Variants in MERTK observed in about 807,000 individuals in gnomAD.
MERTK encodes the protein tyrosine-protein kinase Mer.
In MERTK, 69 loss-of-function variants were observed where a neutral mutation model predicts 99.3. That is an observed-to-expected ratio of 0.70 (90% CI 0.57 to 0.85). The LOEUF (loss-of-function observed/expected upper bound fraction) is 0.85, where lower values mean the gene tolerates loss of function less well. Among genes scored for constraint, MERTK ranks in the 40% least tolerant of loss-of-function variants. MERTK has a pLI of 0.00. For synonymous variants in MERTK, 426 were observed against 467.6 expected (o/e 0.91, Z 1.15); for missense variants, 1,125 against 1,249.4 (o/e 0.90, Z 1.50).
intron 1 of MERTK, among the ~76,000 whole-genome samples, chr2:111,904,507 C>T (rs1573558686): frequency 6.6e-6 from 1 of 151,938 alleles, no homozygotes; most frequent in Admixed American, 6.6e-5. Flanking sequence ...TCCCAAGTAG[C>T]TGGGATTACA....
rs761839549 is a variant in MERTK, at chr2:112,028,705, T to G, written c.2841T>G (p.Ala947=). 6.2e-7 allele frequency: 1 copy of G among 1,614,080 alleles called. No individual in the cohort carries two copies. Among genetic ancestry groups the G allele is most frequent in the East Asian group, 2.2e-5 (1 of 44,902 alleles). The change falls in exon 19 of 19, where the codon GCT becomes GCG. Residue 947 remains alanine (A), a synonymous_variant. Transcript: ENST00000295408. ...EWEDLTSAPS[A]AVTAEKNSVL... The stretch of plus-strand genomic sequence containing the variant: ...AAGATCTGACTTCTGCCCCCTCTGC[T>G]GCAGTCACAGCTGAAAAGAACAGTG...
chr2:111,954,579 C>T (rs550390620), intron 4 of MERTK, among the ~76,000 whole-genome samples: 4 of 152,258 alleles, frequency 2.6e-5, no homozygotes, highest in Admixed American at 6.5e-5. Flanking sequence ...AAATAGTCCC[C>T]GAGTTTTAGG....
At chr2:112,023,976 C>G (rs1677413121) in intron 18 of MERTK, among the ~76,000 whole-genome samples, 2 of 152,126 alleles carry the variant, frequency 1.3e-5, no homozygotes, top group Non-Finnish European at 2.9e-5. Context: ...TTTCCGGGTC[C>G]CTTCTAAGCC....
At position 112,002,025 on chromosome 2, in the gene MERTK, C is replaced by A. The variant is rs962796358; in HGVS notation, c.1690+739C>A. On this transcript the variant is annotated intron_variant, in intron 11 of 18. Transcript: ENST00000295408. ...CCACTTTCTTTCCTTTATTGGAGAA[C>A]CACTGGATAAAGCTTTTTCTCTGAG... is the stretch of plus-strand genomic sequence containing the variant. Among the ~76,000 whole-genome samples the A allele has an allele frequency of 2.6e-5, 4 of 151,738 alleles. No homozygotes were observed. The East Asian group carries it at 5.8e-4, about 22-fold the overall frequency.
In MERTK at chr2:112,014,024, T is replaced by A. The variant is rs552435086; in HGVS notation, c.2079+3958T>A. On this transcript the variant is annotated intron_variant, in intron 15 of 18. Coordinates refer to ENST00000295408, the MANE Select transcript of MERTK (RefSeq NM_006343.3). ...CATGCGCTATCATGCCTGGCTTATT[T>A]TTTTTTTTTTTTTTTGAGACAGAGT... 4.9e-3 allele frequency among the ~76,000 whole-genome samples: 719 copies of A among 147,518 alleles called. 9 individuals are homozygous for A. Among genetic ancestry groups the A allele is most frequent in the African/African-American group, 0.015 (592 of 40,640 alleles).
rs375994365 is a variant in MERTK at position 111,970,313 on chromosome 2, C to T, written c.960+2061C>T. Among the ~76,000 whole-genome samples, 57 of 152,030 alleles carry T rather than the reference C, an allele frequency of 3.7e-4. No homozygotes were observed. The South Asian group carries it at 0.01, about 27-fold the overall frequency. On this transcript the variant is annotated intron_variant, in intron 6 of 18. Transcript: ENST00000295408. ...CTGGGACTACAGGCGGGTGCCACCA[C>T]GCCCACCTAATTTTTGTATATTTAC...
At chr2:112,011,759 A>T (rs973841666) in intron 15 of MERTK, among the ~76,000 whole-genome samples, 4 of 151,924 alleles carry the variant, frequency 2.6e-5, no homozygotes, top group African/African-American at 7.2e-5. Context: ...TGAAAAAAAT[A>T]AAAAAAACAA....
intron 5 of MERTK, among the ~76,000 whole-genome samples, chr2:111,966,954 TC>T (rs1685369565): frequency 6.6e-6 from 1 of 152,116 alleles, no homozygotes; most frequent in African/African-American, 2.4e-5. Flanking sequence ...CATCCACAGT[TC>T]CCCACATTTA....
intron 1 of MERTK, among the ~76,000 whole-genome samples, chr2:111,920,773 C>A (rs2001201): frequency 0.29 from 44,459 of 151,896 alleles, 6,943 homozygotes; most frequent in African/African-American, 0.38. Context: ...CCCTGCCTCA[C>A]CCTCCCGAGT....
At chr2:111,999,279 G>T (rs1248240501) in intron 10 of MERTK, among the ~76,000 whole-genome samples, 1 of 152,052 alleles carries the variant, frequency 6.6e-6, no homozygotes, top group Non-Finnish European at 1.5e-5. Context: ...TATTAAAATA[G>T]ACTTCATTTT....
chr2:112,006,341 A>G (rs1239690288), intron 13 of MERTK, among the ~76,000 whole-genome samples: 1 of 152,184 alleles, frequency 6.6e-6, no homozygotes, highest in Admixed American at 6.5e-5. Flanking sequence ...TCAGGACAAC[A>G]GGAAGAGAAA....
chr2:111,942,875 ATT>A (rs1002608647), intron 2 of MERTK, among the ~76,000 whole-genome samples: 6 of 152,212 alleles, frequency 3.9e-5, no homozygotes, highest in African/African-American at 1.4e-4. Flanking sequence ...GACTGATGCC[ATT>A]GTTGAGCTGT....
chr2:111,963,504 C>G (rs949703630), intron 4 of MERTK, among the ~76,000 whole-genome samples: 1 of 152,206 alleles, frequency 6.6e-6, no homozygotes, highest in Non-Finnish European at 1.5e-5. Context: ...GCAGAGGTCC[C>G]TGCGGCCTTC....
At chr2:112,001,668 A>G (rs1218366884) in intron 11 of MERTK, among the ~76,000 whole-genome samples, 1 of 152,234 alleles carries the variant, frequency 6.6e-6, no homozygotes, top group Non-Finnish European at 1.5e-5. Context: ...TGATTTGCCA[A>G]CATGCTTTAT....
intron 5 of MERTK, 123 bp from the exon 6 acceptor site, chr2:111,968,014 G>GT (rs2104725178): frequency 1.3e-6 from 1 of 747,186 alleles, no homozygotes; most frequent in East Asian, 2.6e-5. Flanking sequence ...TTGAAAACAT[G>GT]TTTCCCTTTA....
chr2:111,974,226 T>TA (rs71385852), intron 6 of MERTK, among the ~76,000 whole-genome samples: 3,821 of 58,182 alleles, frequency 0.066, 215 homozygotes, highest in South Asian at 0.13. Context: ...CCACCTCTAC[T>TA]AAAAAAAAAA....
At chr2:111,970,036 C>T (rs1159744707) in intron 6 of MERTK, among the ~76,000 whole-genome samples, 1 of 151,926 alleles carries the variant, frequency 6.6e-6, no homozygotes, top group Non-Finnish European at 1.5e-5. Context: ...GTTTTTTTTC[C>T]TGTAAGCCTC....
intron 4 of MERTK, among the ~76,000 whole-genome samples, chr2:111,948,985 C>T (rs749870671): frequency 7.9e-5 from 12 of 151,912 alleles, no homozygotes; most frequent in Admixed American, 1.3e-4. Flanking sequence ...TTGTTAGGCA[C>T]GAGTCACATT....
intron 4 of MERTK, among the ~76,000 whole-genome samples, chr2:111,964,034 A>ATT (rs1428833729): frequency 9.2e-5 from 4 of 43,550 alleles, no homozygotes; most frequent in Non-Finnish European, 1.6e-4. Context: ...CCACTCAAAA[A>ATT]TTTTCTTTCT....
Sources: allele counts gnomAD v4.1 joint callset (sites outside exome capture counted in the v4.1 genomes callset), GRCh38; gene constraint gnomAD v4.1.1; transcripts MANE v1.5; gene names NCBI Gene and HGNC (gene_info 2026-07-23, HGNC 2026-07-21).